Variants in NWD2 observed in about 807,000 individuals in gnomAD.
NWD2 encodes the protein NACHT and WD repeat domain-containing protein 2.
A neutral mutation model predicts 132.7 loss-of-function variants in NWD2; 37 were observed. The observed-to-expected ratio is 0.28, with a 90% CI of 0.21 to 0.37. The LOEUF (loss-of-function observed/expected upper bound fraction) is 0.37. NWD2 is among the 10% of genes least tolerant of loss of function. The pLI, the probability that NWD2 is intolerant of heterozygous loss-of-function variation, is 1.00. For synonymous variants in NWD2, 705 were observed against 803.0 expected (o/e 0.88, Z 2.06); for missense variants, 1,592 against 2,122.4 (o/e 0.75, Z 4.91).
intron 2 of NWD2, among the ~76,000 whole-genome samples, chr4:37,329,272 G>A (rs1719239478): frequency 6.6e-6 from 1 of 152,066 alleles, no homozygotes; most frequent in Non-Finnish European, 1.5e-5. Flanking sequence ...AAACCAACCA[G>A]ACCCTCTTCT....
chr4:37,283,437 A>G (rs1718168162), intron 1 of NWD2, among the ~76,000 whole-genome samples: 1 of 151,980 alleles, frequency 6.6e-6, no homozygotes, highest in Non-Finnish European at 1.5e-5. Context: ...ACACTGGGAG[A>G]TTTTAGTTCT....
At chr4:37,356,310 G>A (rs979461207) in intron 2 of NWD2, 56 bp from the exon 3 acceptor site, 1 of 918,842 alleles carries the variant, frequency 1.1e-6, no homozygotes, top group Non-Finnish European at 1.6e-6. Context: ...GCTTGACATT[G>A]TAAATAAAAA....
At chr4:37,344,238 T>C (rs756777174) in intron 2 of NWD2, among the ~76,000 whole-genome samples, 6 of 152,220 alleles carry the variant, frequency 3.9e-5, no homozygotes, top group Non-Finnish European at 8.8e-5. Context: ...TTATTGATCA[T>C]GCGGATATAT....
chr4:37,258,822 T>G (rs1467237565), intron 1 of NWD2, among the ~76,000 whole-genome samples: 1 of 152,232 alleles, frequency 6.6e-6, no homozygotes, highest in East Asian at 1.9e-4. Context: ...TTGTGCTTAC[T>G]ATTTAATTGT....
At chr4:37,344,286 G>A (rs1251110865) in intron 2 of NWD2, among the ~76,000 whole-genome samples, 1 of 152,068 alleles carries the variant, frequency 6.6e-6, no homozygotes, top group African/African-American at 2.4e-5. Flanking sequence ...TTTGTATTGC[G>A]TGAGTTGGCT....
At chr4:37,362,976 C>G (rs1720012994) in intron 3 of NWD2, among the ~76,000 whole-genome samples, 3 of 151,518 alleles carry the variant, frequency 2.0e-5, no homozygotes, top group Non-Finnish European at 3.0e-5. Context: ...CAAAAAAGAC[C>G]ATTAAAAATG....
chr4:37,354,500 GC>G (rs1229121123), intron 2 of NWD2, among the ~76,000 whole-genome samples: 1 of 152,212 alleles, frequency 6.6e-6, no homozygotes, highest in African/African-American at 2.4e-5. Flanking sequence ...TTATCTATAA[GC>G]CCCTGACTGG....
intron 3 of NWD2, among the ~76,000 whole-genome samples, chr4:37,395,858 G>A (rs1047507974): frequency 4.6e-5 from 7 of 151,794 alleles, no homozygotes; most frequent in African/African-American, 1.7e-4. Flanking sequence ...CTCTGGGAGA[G>A]GCAGACCCTT....
At chr4:37,252,031 T>A (rs566070041) in intron 1 of NWD2, among the ~76,000 whole-genome samples, 2 of 152,272 alleles carry the variant, frequency 1.3e-5, no homozygotes, top group African/African-American at 2.4e-5. Flanking sequence ...CAAGGAGGGT[T>A]ATGTAAACCA....
intron 1 of NWD2, among the ~76,000 whole-genome samples, chr4:37,303,650 C>A (rs58364439): frequency 0.15 from 23,522 of 151,966 alleles, 2,334 homozygotes; most frequent in South Asian, 0.33. Flanking sequence ...TTGTAGAGAT[C>A]TTGCACATTT....
Position 37,245,626 on chromosome 4 carries a change from T to C in NWD2, c.151+408T>C, listed in dbSNP as rs531739294. Among the ~76,000 whole-genome samples the C allele has an allele frequency of 2.6e-5, 4 of 151,508 alleles. No homozygotes were observed. The South Asian group carries it at 8.4e-4, about 32-fold the overall frequency. On this transcript the variant is annotated intron_variant, in intron 1 of 6. Transcript: ENST00000309447. ...CAGTAGCTCTCCTCCCCGAGGCGGG[T>C]TCCTGAGTGCGGGGCTACCTCCTTG...
chr4:37,446,795 A>G lies in NWD2; in HGVS notation c.4807A>G (p.Arg1603Gly), dbSNP rs1712648800. 1 of 1,551,976 alleles carries G rather than the reference A, an allele frequency of 6.4e-7. No individual in the cohort carries two copies. Among genetic ancestry groups the G allele is most frequent in the Non-Finnish European group, 8.7e-7 (1 of 1,147,062 alleles). ...TGCAATATTCAGTTTAATTGTAATG[A>G]GACTGGCAGATGGCAAAAATATCGG... ...NGAIFSLIVMRLADGKNIGAC... is the reference protein window; with the variant it reads ...NGAIFSLIVMGLADGKNIGAC... The change falls in exon 7 of 7, where the codon AGA (arginine) becomes GGA (glycine). Residue 1603 changes from arginine (R) to glycine (G), a missense_variant. By Grantham distance (125) the Arg-to-Gly change is moderately radical. Coordinates refer to ENST00000309447, the MANE Select transcript of NWD2 (RefSeq NM_001144990.2). The surrounding 1 kb of genome is among the most constrained non-coding windows in gnomAD (Gnocchi z 6.7).
At chr4:37,340,785 ATT>A (rs1482863952) in intron 2 of NWD2, among the ~76,000 whole-genome samples, 4 of 152,240 alleles carry the variant, frequency 2.6e-5, no homozygotes, top group African/African-American at 9.6e-5. Context: ...CCAGGCACTT[ATT>A]CTAAGTGCTG....
intron 3 of NWD2, among the ~76,000 whole-genome samples, chr4:37,409,214 G>A (rs534380335): frequency 9.9e-5 from 15 of 152,094 alleles, no homozygotes; most frequent in African/African-American, 3.6e-4. Context: ...ACTCCACCAA[G>A]CTAAAGGAGC....
intron 1 of NWD2, among the ~76,000 whole-genome samples, chr4:37,302,718 T>C (rs956260662): frequency 6.6e-6 from 1 of 152,274 alleles, no homozygotes; most frequent in South Asian, 2.1e-4. Flanking sequence ...TGATTAGTGA[T>C]GTTAAACATC....
At chr4:37,334,081 G>A (rs1719349510) in intron 2 of NWD2, among the ~76,000 whole-genome samples, 1 of 152,034 alleles carries the variant, frequency 6.6e-6, no homozygotes, top group Non-Finnish European at 1.5e-5. Flanking sequence ...CCTCAAAAGG[G>A]CCACTTTAAG....
chr4:37,338,570 G>A (rs763744833), intron 2 of NWD2, among the ~76,000 whole-genome samples: 8 of 152,186 alleles, frequency 5.3e-5, no homozygotes, highest in Non-Finnish European at 1.2e-4. Flanking sequence ...GGCACGAATC[G>A]CCAACTAGTT....
chr4:37,316,613 A>T (rs1432929669), intron 1 of NWD2, among the ~76,000 whole-genome samples: 1 of 152,000 alleles, frequency 6.6e-6, no homozygotes, highest in Admixed American at 6.6e-5. Flanking sequence ...CATAGATATT[A>T]GTTTGGATGA....
At chr4:37,290,494 G>C (rs1187984693) in intron 1 of NWD2, among the ~76,000 whole-genome samples, 1 of 152,178 alleles carries the variant, frequency 6.6e-6, no homozygotes, top group Admixed American at 6.5e-5. Context: ...GTGTATTTGA[G>C]CAGATATAAC....
Sources: allele counts gnomAD v4.1 joint callset (sites outside exome capture counted in the v4.1 genomes callset), GRCh38; gene constraint gnomAD v4.1.1; non-coding constraint Gnocchi (gnomAD v3.1); transcripts MANE v1.5; gene names NCBI Gene and HGNC (gene_info 2026-07-23, HGNC 2026-07-21).